The following ARHGEF11 variants were observed in gnomAD, a reference collection of about 807,000 sequenced individuals.
The protein encoded by ARHGEF11 is Rho guanine nucleotide exchange factor 11.
In ARHGEF11, 55 loss-of-function variants were observed where a neutral mutation model predicts 193.7. That is an observed-to-expected ratio of 0.28 (90% CI 0.23 to 0.36). The LOEUF (loss-of-function observed/expected upper bound fraction) is 0.36, where lower values mean the gene tolerates loss of function less well. ARHGEF11 is among the 10% of genes least tolerant of loss of function. The pLI, the probability that ARHGEF11 is intolerant of heterozygous loss-of-function variation, is 1.00. For synonymous variants in ARHGEF11, 693 were observed against 768.0 expected, an observed-to-expected ratio of 0.90 and a Z score of 1.62; for missense variants, 1,723 against 2,005.6, an observed-to-expected ratio of 0.86 and a Z score of 2.69.
chr1:156,975,945 T>TACTGGTTACTGGTTA (rs1430537293), intron 7 of ARHGEF11, among the ~76,000 whole-genome samples: 1 of 152,240 alleles, frequency 6.6e-6, no homozygotes, highest in African/African-American at 2.4e-5. Flanking sequence ...GAACCAGTAT[T>TACTGGTTACTGGTTA]ATACTGTCTT....
At chr1:156,984,015 G>C (rs986349508) in intron 3 of ARHGEF11, among the ~76,000 whole-genome samples, 4 of 152,202 alleles carry the variant, frequency 2.6e-5, no homozygotes, top group African/African-American at 7.2e-5. Context: ...ATGAAGAAAG[G>C]GGGCCTTTGA....
chr1:156,949,088 T>C (rs1422595490), intron 22 of ARHGEF11: 20 of 985,326 alleles, frequency 2.0e-5, no homozygotes, highest in Non-Finnish European at 2.3e-5. Context: ...GCCTTCCAGT[T>C]GTGATGTGGA....
At chr1:156,960,607 T>C in intron 14 of ARHGEF11, 147 bp from the exon 15 acceptor site, 1 of 674,166 alleles carries the variant, frequency 1.5e-6, no homozygotes, top group South Asian at 1.9e-5. Flanking sequence ...ACTCTCCAAC[T>C]GCACACCTGA....
At chr1:156,954,467 C>T (rs535867540) in intron 21 of ARHGEF11, among the ~76,000 whole-genome samples, 2 of 150,584 alleles carry the variant, frequency 1.3e-5, no homozygotes, top group South Asian at 4.2e-4. Context: ...TGTGAGGGTT[C>T]CCCTCACTTA....
intron 1 of ARHGEF11, among the ~76,000 whole-genome samples, chr1:157,040,961 C>A (rs767608819): frequency 2.6e-5 from 4 of 152,150 alleles, no homozygotes; most frequent in Non-Finnish European, 4.4e-5. Context: ...TACTGCTTTA[C>A]ATGAGGAAGC....
intron 1 of ARHGEF11, among the ~76,000 whole-genome samples, chr1:156,998,795 A>AT (rs1289000735): frequency 5.9e-5 from 9 of 152,190 alleles, no homozygotes; most frequent in Admixed American, 5.9e-4. Context: ...TGTTTAGCCT[A>AT]TATTTATTTG....
rs374854888 is a variant in ARHGEF11 at position 156,959,941 on chromosome 1, C to G, written c.1282+477G>C. Among the ~76,000 whole-genome samples the G allele has an allele frequency of 5.3e-4, 51 of 96,122 alleles. 1 individual carries two copies. Among genetic ancestry groups the G allele is most frequent in the East Asian group, 2.0e-3 (4 of 2,048 alleles). The allele number at this position is 96,122 out of a possible 152,430, so 63.1% of individuals were successfully genotyped here. A position where few individuals can be genotyped will look rare whatever the true frequency, so the allele number is the denominator to read the frequency against. ...CAAAAATAACCCCCCCTCCCCCCCC[C>G]CCAAAAAAAACAATAAGAAAAACCA... On this transcript the variant is annotated intron_variant, in intron 15 of 40. Coordinates refer to ENST00000368194, the MANE Select transcript of ARHGEF11 (RefSeq NM_198236.3).
chr1:157,043,835 AC>A (rs942213131), intron 1 of ARHGEF11, among the ~76,000 whole-genome samples: 1 of 151,992 alleles, frequency 6.6e-6, no homozygotes, highest in Non-Finnish European at 1.5e-5. Context: ...AATGGGATCC[AC>A]CCCGTCACCA....
intron 1 of ARHGEF11, among the ~76,000 whole-genome samples, chr1:157,025,537 C>G (rs751054705): frequency 6.6e-6 from 1 of 152,152 alleles, no homozygotes; most frequent in Non-Finnish European, 1.5e-5. Context: ...CCTGAACATG[C>G]GGGTTCCTAG....
Position 156,936,746 on chromosome 1 carries a change from G to T in ARHGEF11, c.4630+70C>A. 10 of 1,516,748 alleles carry T rather than the reference G, an allele frequency of 6.6e-6. No individual in the cohort carries two copies. In the East Asian group the frequency reaches 2.3e-4, roughly 34 times the overall value. 94.0% of individuals were successfully genotyped at this position (1,516,748 alleles called of 1,614,324 possible). A position where few individuals can be genotyped will look rare whatever the true frequency, so the allele number is the denominator to read the frequency against. On this transcript the variant is annotated intron_variant, in intron 40 of 40. Transcript: ENST00000368194. Reference sequence around the variant, plus strand: ...GAACCACCATCTCTCACTGCTTAGTGATGTGTCCTCACGAGTTGGCAGACT... The same window carrying T: ...GAACCACCATCTCTCACTGCTTAGTTATGTGTCCTCACGAGTTGGCAGACT...
chr1:156,963,460 T>C, intron 12 of ARHGEF11, 60 bp downstream of exon 12: 1 of 1,571,858 alleles, frequency 6.4e-7, no homozygotes, highest in Non-Finnish European at 8.7e-7. Flanking sequence ...CTGCTTCTAG[T>C]CAAGAGCAGC....
Position 156,958,794 on chromosome 1 carries a change from G to C in ARHGEF11, c.1450C>G (p.Leu484Val), listed in dbSNP as rs1434965898. The change falls in exon 17 of 41, where the codon CTC (leucine) becomes GTC (valine). Residue 484 changes from leucine (L) to valine (V), a missense_variant. Leu to Val is a conservative substitution (Grantham distance 32). This residue lies in a region of ARHGEF11 where 646 missense variants were observed against 710.7 expected (regional missense o/e 0.91). Coordinates refer to ENST00000368194, the MANE Select transcript of ARHGEF11 (RefSeq NM_198236.3). ...TTCTCAGCCACTTGGCGCTCTCGGA[G>C]AGGGTCCCCATCCAGGTCCAGCAGG... ...NDLLDLDGDP[L>V]RERQVAEKQL... 3 of 1,614,104 alleles carry C rather than the reference G, an allele frequency of 1.9e-6. No individual in the cohort carries two copies. The highest frequency in any genetic ancestry group is 1.1e-5 in the South Asian group (1 of 91,078).
At chr1:156,936,749 G>A (rs1655449870) in intron 40 of ARHGEF11, 67 bp downstream of exon 40, 10 of 1,523,502 alleles carry the variant, frequency 6.6e-6, no homozygotes, top group African/African-American at 4.1e-5. Context: ...GCTTAGTGAT[G>A]TGTCCTCACG....
At position 156,948,492 on chromosome 1, in the gene ARHGEF11, G is replaced by A. The variant is rs1217329616; in HGVS notation, c.1932C>T (p.Arg644=). Residue 644 remains arginine, a synonymous_variant, in exon 23 of 41, where the codon CGC becomes CGT. Transcript: ENST00000368194. The surrounding 1 kb of genome is among the most constrained non-coding windows in gnomAD (Gnocchi z 4.2). ...CAGAGCGGCCCAGGCGAATCTCTGA[G>A]CGTGAACTGGGGGGAAGGGACAAAA... is the stretch of plus-strand genomic sequence containing the variant. ...PEDLLESDSS[R]SEIRLGRSES... 2 of 1,614,230 alleles carry A rather than the reference G, an allele frequency of 1.2e-6. No homozygotes were observed. Among genetic ancestry groups the A allele is most frequent in the South Asian group, 2.2e-5 (2 of 91,092 alleles).
intron 1 of ARHGEF11, among the ~76,000 whole-genome samples, chr1:156,993,603 A>C (rs963148644): frequency 6.6e-6 from 1 of 152,160 alleles, no homozygotes; most frequent in Non-Finnish European, 1.5e-5. Flanking sequence ...AGCTCCAGAT[A>C]AAGTCCATAC....
At chr1:156,936,496 A>T (rs1409078055) in intron 40 of ARHGEF11, among the ~76,000 whole-genome samples, 2 of 77,738 alleles carry the variant, frequency 2.6e-5, no homozygotes, top group East Asian at 1.2e-3. Flanking sequence ...AAAAAAAAAA[A>T]AATATATATA....
At chr1:156,979,717 G>C (rs1663848858) in intron 4 of ARHGEF11, among the ~76,000 whole-genome samples, 1 of 152,110 alleles carries the variant, frequency 6.6e-6, no homozygotes, top group African/African-American at 2.4e-5. Flanking sequence ...GCCTCCTCTG[G>C]TCACTTGTTT....
At chr1:157,031,115 T>C (rs1285797630) in intron 1 of ARHGEF11, among the ~76,000 whole-genome samples, 2 of 152,200 alleles carry the variant, frequency 1.3e-5, no homozygotes, top group South Asian at 2.1e-4. Context: ...TTGCTTGTTG[T>C]CTCTCTTGCT....
Position 156,961,671 on chromosome 1 carries a change from C to T in ARHGEF11, c.1239+6G>A, listed in dbSNP as rs779555175. On this transcript the variant is annotated splice_donor_region_variant and intron_variant, in intron 14 of 40. Coordinates refer to ENST00000368194, the MANE Select transcript of ARHGEF11 (RefSeq NM_198236.3). ...AAAATTATAATCCAATCTATGACTGCCTTACCGCATTTTTCTCCAGGAAAA... is the reference window on the plus strand; with the variant it reads ...AAAATTATAATCCAATCTATGACTGTCTTACCGCATTTTTCTCCAGGAAAA... The T allele has an allele frequency of 3.1e-6, 5 of 1,612,888 alleles. No homozygotes were observed. The highest frequency in any genetic ancestry group is 2.2e-5 in the East Asian group (1 of 44,876).
Sources: gnomAD v4.1 joint callset for allele counts (sites outside exome capture counted in the v4.1 genomes callset) on GRCh38, gnomAD v4.1.1 for gene constraint, gnomAD v4.1.1 regional missense constraint, Gnocchi (gnomAD v3.1) non-coding constraint, MANE v1.5 for transcripts, NCBI Gene and HGNC (gene_info 2026-07-23, HGNC 2026-07-21) for gene names.